TGDS: variants seen among roughly 807,000 people sequenced by gnomAD.
The protein encoded by TGDS is UDP-D-glucose 4,6-dehydratase.
Under a neutral mutation model 52.3 loss-of-function variants are expected in TGDS, and 47 were observed. The observed-to-expected ratio is 0.90, with a 90% CI of 0.71 to 1.15. The LOEUF is 1.15. Among genes scored for constraint, TGDS ranks in the 50% most tolerant of loss-of-function variants. The pLI, the probability that TGDS is intolerant of heterozygous loss-of-function variation, is 0.00. For synonymous variants in TGDS, 115 were observed against 136.9 expected, an observed-to-expected ratio of 0.84 and a Z score of 1.12; for missense variants, 375 against 418.4, an observed-to-expected ratio of 0.90 and a Z score of 0.90.
intron 10 of TGDS, among the ~76,000 whole-genome samples, chr13:94,576,655 A>G (rs1888613357): frequency 6.6e-6 from 1 of 152,168 alleles, no homozygotes; most frequent in African/African-American, 2.4e-5. Context: ...CGATCTAGAT[A>G]TAAGTGAAGT....
At chr13:94,577,597 T>C (rs1355015892) in intron 9 of TGDS, among the ~76,000 whole-genome samples, 168 bp from the exon 10 acceptor site, 3 of 152,192 alleles carry the variant, frequency 2.0e-5, no homozygotes, top group Non-Finnish European at 4.4e-5. Flanking sequence ...CTAAATTCCA[T>C]CTGAAGCTCA....
intron 8 of TGDS, 22 bp downstream of exon 8, chr13:94,578,708 T>C: frequency 6.6e-7 from 1 of 1,519,190 alleles, no homozygotes; most frequent in South Asian, 1.1e-5. Flanking sequence ...AGCATATGGG[T>C]AAAAAGGTAA....
rs1889369716 is a variant in TGDS at position 94,596,106 on chromosome 13, C to A, written c.31G>T (p.Gly11Cys). Residue 11 changes from glycine to cysteine, a missense_variant, in exon 1 of 12, where the codon GGT becomes TGT. Physicochemically the swap from Gly to Cys is radical, Grantham distance 159. Coordinates refer to ENST00000261296, the MANE Select transcript of TGDS (RefSeq NM_014305.4). ...CGCTTCGCAAAGCCGCCGGGAAGAC[C>A]CCACGGTTCCTCCCAACACGCCGCC... MSAACWEEPW[G>C]LPGGFAKRVL... 2 of 1,614,144 alleles carry A rather than the reference C, an allele frequency of 1.2e-6. No homozygotes were observed. Among genetic ancestry groups the A allele is most frequent in the Non-Finnish European group, 1.7e-6 (2 of 1,180,010 alleles).
chr13:94,591,028 C>T (rs1273157567), intron 3 of TGDS, 85 bp from the exon 4 acceptor site: 2 of 848,358 alleles, frequency 2.4e-6, no homozygotes, highest in Non-Finnish European at 3.7e-6. Context: ...ATCCCCCTAC[C>T]TCCCACCTCC....
intron 4 of TGDS, among the ~76,000 whole-genome samples, chr13:94,587,487 T>A (rs1272692897): frequency 6.6e-6 from 1 of 151,756 alleles, no homozygotes. Flanking sequence ...ACCAACAGAA[T>A]TGAATAGAGC....
intron 3 of TGDS, among the ~76,000 whole-genome samples, chr13:94,591,684 CATTTA>C: frequency 6.6e-6 from 1 of 152,134 alleles, no homozygotes; most frequent in Non-Finnish European, 1.5e-5. Context: ...TTTATATGTA[CATTTA>C]ATTATTCTAA....
rs925422928 is a variant in TGDS at position 94,578,916 on chromosome 13, C to T, written c.616-143G>A. On this transcript the variant is annotated intron_variant, in intron 7 of 11. Transcript: ENST00000261296. Reference sequence around the variant, plus strand: ...TTTTATCAGTTTATTAAAAAACCTACTATAGTATTTGATATGTAAAAGAAC... The same window carrying T: ...TTTTATCAGTTTATTAAAAAACCTATTATAGTATTTGATATGTAAAAGAAC... The T allele has an allele frequency of 2.6e-5, 13 of 502,602 alleles. No individual in the cohort carries two copies. In the African/African-American group the frequency reaches 2.6e-4, roughly 10 times the overall value. 31.1% of individuals were successfully genotyped at this position (502,602 alleles called of 1,614,324 possible). A position where few individuals can be genotyped will look rare whatever the true frequency, so the allele number is the denominator to read the frequency against.
At chr13:94,581,067 A>C (rs1459935398) in intron 6 of TGDS, 24 bp downstream of exon 6, 1 of 1,328,028 alleles carries the variant, frequency 7.5e-7, no homozygotes, top group African/African-American at 1.5e-5. Flanking sequence ...AAATGTTTCA[A>C]GAGTTTCTGC....
intron 4 of TGDS, among the ~76,000 whole-genome samples, chr13:94,588,506 C>T (rs1281315507): frequency 2.1e-5 from 3 of 145,932 alleles, no homozygotes; most frequent in Middle Eastern, 3.4e-3. Context: ...GGCTTGGATC[C>T]AAAATACATA....
chr13:94,583,038 A>G, intron 5 of TGDS, 56 bp downstream of exon 5: 2 of 1,577,456 alleles, frequency 1.3e-6, no homozygotes, highest in Non-Finnish European at 1.7e-6. Flanking sequence ...TAGGTTTAAT[A>G]AAACTGTATC....
chr13:94,587,444 G>C (rs1046583332), intron 4 of TGDS, among the ~76,000 whole-genome samples: 10 of 152,122 alleles, frequency 6.6e-5, no homozygotes, highest in African/African-American at 2.4e-4. Context: ...CAGTAATTAA[G>C]ACAGTGTGAT....
chr13:94,587,854 G>A (rs7996287), intron 4 of TGDS, among the ~76,000 whole-genome samples: 99,852 of 150,248 alleles, frequency 0.66, 33,375 homozygotes, highest in African/African-American at 0.72. Flanking sequence ...AAAATTAGCC[G>A]GGTGTGGTGG....
At position 94,582,579 on chromosome 13, in the gene TGDS, G is replaced by C. The variant is rs186854119; in HGVS notation, c.456+515C>G. Among the ~76,000 whole-genome samples the C allele has an allele frequency of 6.6e-5, 10 of 152,342 alleles. No individual in the cohort carries two copies. The East Asian group carries it at 1.7e-3, about 26-fold the overall frequency. ...AAGTGTCAACTTGACGGGATTGAAGGATACAAAGTATTGATCCTAGGTGTG... is the reference window on the plus strand; with the variant it reads ...AAGTGTCAACTTGACGGGATTGAAGCATACAAAGTATTGATCCTAGGTGTG... On this transcript the variant is annotated intron_variant, in intron 5 of 11. Coordinates refer to ENST00000261296, the MANE Select transcript of TGDS (RefSeq NM_014305.4).
At chr13:94,592,870 T>A (rs972020192) in intron 2 of TGDS, among the ~76,000 whole-genome samples, 1 of 152,160 alleles carries the variant, frequency 6.6e-6, no homozygotes, top group African/African-American at 2.4e-5. Flanking sequence ...TTAAAAAATG[T>A]TCCTAGCTGG....
At chr13:94,578,823 A>G (rs1190392272) in intron 7 of TGDS, 50 bp from the exon 8 acceptor site, 2 of 1,201,418 alleles carry the variant, frequency 1.7e-6, no homozygotes, top group Admixed American at 4.0e-5. Context: ...ACTCATTAGT[A>G]TGAATCTGAA....
intron 8 of TGDS, 95 bp from the exon 9 acceptor site, chr13:94,578,265 C>T (rs1424682485): frequency 9.1e-7 from 1 of 1,102,888 alleles, no homozygotes; most frequent in African/African-American, 1.6e-5. Context: ...AAGCTAATTC[C>T]CATGGGGATC....
chr13:94,586,719 A>T (rs1888996051), intron 4 of TGDS, among the ~76,000 whole-genome samples: 1 of 151,684 alleles, frequency 6.6e-6, no homozygotes, highest in Non-Finnish European at 1.5e-5. Context: ...TACGTGTCTA[A>T]GTAACCCACG....
intron 4 of TGDS, among the ~76,000 whole-genome samples, chr13:94,589,426 T>G (rs1889113002): frequency 6.6e-6 from 1 of 151,954 alleles, no homozygotes; most frequent in South Asian, 2.1e-4. Context: ...GCCATTCTCC[T>G]GCCTCAGCCT....
chr13:94,595,105 C>T lies in TGDS; in HGVS notation c.86+946G>A, dbSNP rs1889330295. Among the ~76,000 whole-genome samples, 3 of 152,128 alleles carry T rather than the reference C, an allele frequency of 2.0e-5. No individual in the cohort carries two copies. In the Middle Eastern group the frequency reaches 0.01, roughly 517 times the overall value. On this transcript the variant is annotated intron_variant, in intron 1 of 11. Transcript: ENST00000261296. ...GAGGGGCTATTTTAGATATGGTGGTCAGGTAAGAACTCTCTGAGGTGCTAT... is the reference window on the plus strand; with the variant it reads ...GAGGGGCTATTTTAGATATGGTGGTTAGGTAAGAACTCTCTGAGGTGCTAT...
Sources: gnomAD v4.1 joint callset for allele counts (sites outside exome capture counted in the v4.1 genomes callset) on GRCh38, gnomAD v4.1.1 for gene constraint, MANE v1.5 for transcripts, NCBI Gene and HGNC (gene_info 2026-07-23, HGNC 2026-07-21) for gene names.